The following SYNPO2 variants were observed in gnomAD, a reference collection of about 807,000 sequenced individuals.
SYNPO2 encodes synaptopodin 2, also known as synaptopodin-2.
In SYNPO2, 56 loss-of-function variants were observed where a neutral mutation model predicts 85.0. That is an observed-to-expected ratio of 0.66 (90% CI 0.53 to 0.82). The LOEUF (loss-of-function observed/expected upper bound fraction) is 0.82, where lower values mean the gene tolerates loss of function less well. SYNPO2 is among the 40% of genes least tolerant of loss of function. SYNPO2 has a pLI of 0.00. For missense variants in SYNPO2, 1,575 were observed against 1,534.2 expected (o/e 1.03, Z -0.44); for synonymous variants, 602 against 591.1 (o/e 1.02, Z -0.27).
chr4:118,999,344 G>A (rs756314977), intron 1 of SYNPO2, among the ~76,000 whole-genome samples: 1 of 151,922 alleles, frequency 6.6e-6, no homozygotes, highest in Non-Finnish European at 1.5e-5. Flanking sequence ...TAGAGACGGG[G>A]TTTCATCATG....
upstream of SYNPO2, among the ~76,000 whole-genome samples, chr4:118,888,209 G>C (rs914023464): frequency 6.6e-6 from 1 of 152,114 alleles, no homozygotes; most frequent in Non-Finnish European, 1.5e-5. Flanking sequence ...CCAAAACTAT[G>C]CAATAGATGT....
chr4:119,041,993 T>C (rs999780444), intron 4 of SYNPO2: 6 of 152,342 alleles, frequency 3.9e-5, no homozygotes, highest in African/African-American at 1.4e-4. Flanking sequence ...AACTTTATTC[T>C]TTAAAACCCA....
upstream of SYNPO2, among the ~76,000 whole-genome samples, chr4:118,886,712 T>C (rs1732205295): frequency 6.6e-6 from 1 of 152,250 alleles, no homozygotes; most frequent in Non-Finnish European, 1.5e-5. Context: ...TCAAAGCTCA[T>C]ATTTTATGAT....
At chr4:119,002,138 A>G (rs1736842744) in intron 1 of SYNPO2, among the ~76,000 whole-genome samples, 1 of 152,206 alleles carries the variant, frequency 6.6e-6, no homozygotes, top group Non-Finnish European at 1.5e-5. Flanking sequence ...TTCTCCTGAT[A>G]ATTGACAACT....
chr4:119,045,584 T>C (rs1209167805), intron 4 of SYNPO2, among the ~76,000 whole-genome samples: 1 of 152,264 alleles, frequency 6.6e-6, no homozygotes, highest in African/African-American at 2.4e-5. Flanking sequence ...TTTTTATATA[T>C]ACTATTCACT....
intron 1 of SYNPO2, among the ~76,000 whole-genome samples, chr4:118,954,537 G>A (rs1369123013): frequency 6.6e-6 from 1 of 152,138 alleles, no homozygotes; most frequent in Non-Finnish European, 1.5e-5. Context: ...TAAGTCTGCT[G>A]CCCATGCTGA....
chr4:118,977,686 A>G (rs990122097), intron 1 of SYNPO2, among the ~76,000 whole-genome samples: 1 of 152,222 alleles, frequency 6.6e-6, no homozygotes, highest in Non-Finnish European at 1.5e-5. Context: ...AGAGGCTAGA[A>G]ATCAGACATG....
rs114612534 is a variant in SYNPO2 at position 118,988,254 on chromosome 4, G to A, written c.106-35176G>A. On this transcript the variant is annotated intron_variant, in intron 1 of 4. Coordinates refer to ENST00000307142, the MANE Select transcript of SYNPO2 (RefSeq NM_133477.3). ...TGTTGTATTTGTTCTATTTTGGTTT[G>A]GTTTTTAGGTTTTAATATTGTACAC... 2.7e-3 allele frequency among the ~76,000 whole-genome samples: 403 copies of A among 151,398 alleles called. 1 individual carries two copies. Among genetic ancestry groups the A allele is most frequent in the African/African-American group, 9.3e-3 (383 of 41,278 alleles).
At chr4:118,946,220 G>C (rs1734499887) in intron 1 of SYNPO2, among the ~76,000 whole-genome samples, 3 of 152,158 alleles carry the variant, frequency 2.0e-5, no homozygotes, top group African/African-American at 2.4e-5. Flanking sequence ...ATGAAATACT[G>C]TAAGTGGGTC....
intron 1 of SYNPO2, among the ~76,000 whole-genome samples, chr4:119,020,448 T>C (rs1317615777): frequency 6.6e-6 from 1 of 152,200 alleles, no homozygotes; most frequent in Non-Finnish European, 1.5e-5. Context: ...AACACATGTT[T>C]GGATAACAGG....
intron 1 of SYNPO2, among the ~76,000 whole-genome samples, chr4:118,868,459 A>C (rs1448704700): frequency 3.9e-5 from 6 of 152,340 alleles, no homozygotes; most frequent in African/African-American, 1.4e-4. Flanking sequence ...TTGGCAGAAC[A>C]GATTACTTTT....
In SYNPO2 at chr4:119,059,698, T is replaced by C. The variant is rs1214372491; in HGVS notation, c.*1764T>C. 1 of 151,846 alleles carries C rather than the reference T, an allele frequency of 6.6e-6. No homozygotes were observed. Among genetic ancestry groups the C allele is most frequent in the Non-Finnish European group, 1.5e-5 (1 of 67,978 alleles). The allele number at this position is 151,846 out of a possible 1,614,324, so 9.4% of individuals were successfully genotyped here. ...ATGGTATCTTTCACAGAATAAAAAT[T>C]AAAAATAATGCCAGGGTGCAAGTGA... On this transcript the variant is annotated 3_prime_UTR_variant, in exon 5 of 5. Transcript: ENST00000307142.
intron 1 of SYNPO2, among the ~76,000 whole-genome samples, chr4:118,883,115 A>G (rs939498412): frequency 6.6e-6 from 1 of 151,792 alleles, no homozygotes; most frequent in African/African-American, 2.4e-5. Context: ...GATGGCCCAA[A>G]AGGACAGGAA....
chr4:118,867,676 T>C (rs898319873), intron 1 of SYNPO2, among the ~76,000 whole-genome samples: 3 of 152,138 alleles, frequency 2.0e-5, no homozygotes, highest in South Asian at 4.1e-4. Flanking sequence ...ATTAAACACA[T>C]TACATGTTGT....
At chr4:118,960,687 T>A (rs1046645909) in intron 1 of SYNPO2, among the ~76,000 whole-genome samples, 19 of 152,134 alleles carry the variant, frequency 1.2e-4, no homozygotes, top group Admixed American at 5.2e-4. Context: ...GATAATTTTT[T>A]AATTTCTAAC....
At chr4:119,015,294 A>G (rs1737485777) in intron 1 of SYNPO2, among the ~76,000 whole-genome samples, 1 of 152,240 alleles carries the variant, frequency 6.6e-6, no homozygotes, top group East Asian at 1.9e-4. Context: ...AATAGAATTT[A>G]TAAATTTTTA....
Position 119,057,391 on chromosome 4 carries a change from T to C in SYNPO2, c.3253-10T>C. The C allele has an allele frequency of 6.4e-7, 1 of 1,553,372 alleles. No individual in the cohort carries two copies. Among genetic ancestry groups the C allele is most frequent in the Non-Finnish European group, 8.7e-7 (1 of 1,155,008 alleles). On this transcript the variant is annotated splice_polypyrimidine_tract_variant and intron_variant, in intron 4 of 4. Coordinates refer to ENST00000307142, the MANE Select transcript of SYNPO2 (RefSeq NM_133477.3). ...TGAATGAGATATATTAATATTTTCATTGTTTTTAGGAGAGTGGGCGCTCCC... is the reference window on the plus strand; with the variant it reads ...TGAATGAGATATATTAATATTTTCACTGTTTTTAGGAGAGTGGGCGCTCCC...
Position 119,060,302 on chromosome 4 carries a change from C to CAGT in SYNPO2, c.*2370_*2372dup, listed in dbSNP as rs1347220847. On this transcript the variant is annotated 3_prime_UTR_variant, in exon 5 of 5. Transcript: ENST00000307142. ...TTTATTCGAGACATTAAGAAAAAGA[C>CAGT]AGTACATGGTGGGAAAGCTGCACAT... The CAGT allele has an allele frequency of 6.6e-6, 1 of 152,062 alleles. No homozygotes were observed. The allele number at this position is 152,062 out of a possible 1,614,324, so 9.4% of individuals were successfully genotyped here.
chr4:118,917,133 T>G (rs1353087718), intron 1 of SYNPO2, among the ~76,000 whole-genome samples: 1 of 152,170 alleles, frequency 6.6e-6, no homozygotes, highest in East Asian at 1.9e-4. Flanking sequence ...GGCTCACACC[T>G]GAAATTCCAG....
Sources: gnomAD v4.1 joint callset for allele counts (sites outside exome capture counted in the v4.1 genomes callset) on GRCh38, gnomAD v4.1.1 for gene constraint, MANE v1.5 for transcripts, NCBI Gene and HGNC (gene_info 2026-07-23, HGNC 2026-07-21) for gene names.